Variants in MCCC1 observed in about 807,000 individuals in gnomAD.
MCCC1 encodes methylcrotonyl-CoA carboxylase subunit 1.
In MCCC1, 64 loss-of-function variants were observed where a neutral mutation model predicts 83.8. The observed-to-expected ratio is 0.76, with a 90% CI of 0.62 to 0.94. The LOEUF (loss-of-function observed/expected upper bound fraction) is 0.94. MCCC1 is among the 40% of genes least tolerant of loss of function. The probability of loss-of-function intolerance (pLI) is 0.00; values close to 1 mark genes in which losing one functional copy is unlikely to be tolerated. For synonymous variants in MCCC1, 322 were observed against 315.4 expected (o/e 1.02, Z -0.22); for missense variants, 807 against 904.7 (o/e 0.89, Z 1.39).
intron 4 of MCCC1, among the ~76,000 whole-genome samples, chr3:183,080,137 G>T (rs182973142): frequency 6.6e-6 from 1 of 152,152 alleles, no homozygotes; most frequent in Non-Finnish European, 1.5e-5. Context: ...GGGGATTAAC[G>T]TTGGGCTCCT....
At chr3:183,055,334 C>A (rs930122287) in intron 8 of MCCC1, among the ~76,000 whole-genome samples, 1 of 152,046 alleles carries the variant, frequency 6.6e-6, no homozygotes, top group African/African-American at 2.4e-5. Flanking sequence ...TGCTTAAACC[C>A]GCGAGGCGGA....
At chr3:183,032,561 C>T (rs528154219) in intron 14 of MCCC1, among the ~76,000 whole-genome samples, 9 of 152,234 alleles carry the variant, frequency 5.9e-5, no homozygotes, top group Admixed American at 1.3e-4. Flanking sequence ...AGCTGTAACC[C>T]AATAAACTTG....
chr3:183,074,063 G>A lies in MCCC1; in HGVS notation c.370-1576C>T, dbSNP rs554229278. 5.6e-4 allele frequency among the ~76,000 whole-genome samples: 85 copies of A among 152,290 alleles called. 1 individual carries two copies. Among genetic ancestry groups the A allele is most frequent in the Admixed American group, 3.8e-3 (58 of 15,296 alleles). ...ATCTCACTGTGTGACTCAGAATGGC[G>A]TGCAATTTGAAACTTATCAATTGTT... On this transcript the variant is annotated intron_variant, in intron 4 of 18. Transcript: ENST00000265594.
chr3:183,015,373 G>A lies in MCCC1; in HGVS notation c.*65C>T. ...CTTTATGAGACCCCCAGAAAAGCTG[G>A]AGGCACTTCCTCTTTTTGGTGGAGA... On this transcript the variant is annotated 3_prime_UTR_variant, in exon 19 of 19. Coordinates refer to ENST00000265594, the MANE Select transcript of MCCC1 (RefSeq NM_020166.5). 2 of 1,583,766 alleles carry A rather than the reference G, an allele frequency of 1.3e-6. No homozygotes were observed. Among genetic ancestry groups the A allele is most frequent in the Non-Finnish European group, 1.7e-6 (2 of 1,152,744 alleles).
At chr3:183,061,386 T>G (rs570357109) in intron 7 of MCCC1, among the ~76,000 whole-genome samples, 6 of 152,312 alleles carry the variant, frequency 3.9e-5, no homozygotes, top group Non-Finnish European at 8.8e-5. Context: ...TTAGGGAGAA[T>G]AGAATGCTCT....
intron 17 of MCCC1, among the ~76,000 whole-genome samples, chr3:183,017,964 A>G (rs895579914): frequency 2.6e-5 from 4 of 151,226 alleles, no homozygotes; most frequent in Non-Finnish European, 4.4e-5. Context: ...TGGTCAAATC[A>G]GAGGCCTACA....
intron 1 of MCCC1, among the ~76,000 whole-genome samples, chr3:183,106,283 A>G (rs111799592): frequency 1.1e-4 from 16 of 152,234 alleles, no homozygotes; most frequent in Admixed American, 2.6e-4. Context: ...TTCCTTTAAA[A>G]AGCTTACTCC....
chr3:183,110,733 T>C (rs1240909692), intron 1 of MCCC1, among the ~76,000 whole-genome samples: 1 of 152,162 alleles, frequency 6.6e-6, no homozygotes, highest in Non-Finnish European at 1.5e-5. Flanking sequence ...TTCAGAATGG[T>C]ATTTTCTAGG....
In MCCC1 at chr3:183,111,067, A is replaced by G. The variant is rs575777994; in HGVS notation, c.-102+4407T>C. ...TGATAAAGATGTTTACATATGTATTATATCATCAGGACTGCTGTTTGCTTG... is the reference window on the plus strand; with the variant it reads ...TGATAAAGATGTTTACATATGTATTGTATCATCAGGACTGCTGTTTGCTTG... On this transcript the variant is annotated intron_variant, in intron 1 of 17. Transcript: ENST00000492597. Among the ~76,000 whole-genome samples the G allele has an allele frequency of 5.9e-5, 9 of 152,320 alleles. No homozygotes were observed. The South Asian group carries it at 1.9e-3, about 32-fold the overall frequency.
chr3:183,093,832 C>T (rs1020891333), intron 2 of MCCC1, among the ~76,000 whole-genome samples: 6 of 151,998 alleles, frequency 3.9e-5, no homozygotes, highest in African/African-American at 1.5e-4. Flanking sequence ...TACTTTATTA[C>T]ACTTTTATAT....
chr3:183,034,014 A>T lies in MCCC1; in HGVS notation c.1658T>A (p.Met553Lys), dbSNP rs774055789. ...RRLNISYTRN[M>K]TLKDGKNNVA... ...ACTGTTTTTACCATCTTTAAGAGTC[A>T]TGTTTCTGGTATACGAGATATTCAG... is the stretch of plus-strand genomic sequence containing the variant. Residue 553 changes from methionine to lysine, a missense_variant, in exon 14 of 19, where the codon ATG (methionine) becomes AAG (lysine). By Grantham distance (95) the Met-to-Lys change is moderately conservative. Transcript: ENST00000265594. 3.1e-6 allele frequency: 5 copies of T among 1,609,996 alleles called. No homozygotes were observed. The Admixed American group carries it at 8.3e-5, about 27-fold the overall frequency.
chr3:183,079,055 T>A (rs1447559195), intron 4 of MCCC1, among the ~76,000 whole-genome samples: 1 of 152,182 alleles, frequency 6.6e-6, no homozygotes, highest in Non-Finnish European at 1.5e-5. Context: ...CCTCCCACGA[T>A]ACATGAGAAT....
intron 7 of MCCC1, among the ~76,000 whole-genome samples, chr3:183,059,699 C>A (rs1345924197): frequency 6.6e-6 from 1 of 152,164 alleles, no homozygotes; most frequent in Admixed American, 6.5e-5. Context: ...CTACTGGTGA[C>A]AAAGTCTCTT....
At chr3:183,085,998 C>G (rs1320260863) in intron 4 of MCCC1, among the ~76,000 whole-genome samples, 1 of 152,240 alleles carries the variant, frequency 6.6e-6, no homozygotes, top group African/African-American at 2.4e-5. Flanking sequence ...GTCCCTCCCC[C>G]AGTCTCTCCT....
At chr3:183,084,758 CA>C (rs1717768575) in intron 4 of MCCC1, among the ~76,000 whole-genome samples, 1 of 151,822 alleles carries the variant, frequency 6.6e-6, no homozygotes, top group African/African-American at 2.4e-5. Flanking sequence ...TCCATCTCTA[CA>C]AAAATTTAAA....
At chr3:183,047,326 G>A (rs1714631458) in intron 9 of MCCC1, among the ~76,000 whole-genome samples, 1 of 152,090 alleles carries the variant, frequency 6.6e-6, no homozygotes, top group Admixed American at 6.5e-5. Context: ...GGCTCAGCAA[G>A]ACTGAGATCT....
chr3:183,108,201 G>A, intron 1 of MCCC1, among the ~76,000 whole-genome samples: 1 of 152,342 alleles, frequency 6.6e-6, no homozygotes, highest in Non-Finnish European at 1.5e-5. Flanking sequence ...ACACATGGCT[G>A]TGGGTTGTTG....
Position 183,045,221 on chromosome 3 carries a change from A to G in MCCC1, c.1083+192T>C, listed in dbSNP as rs138561850. Among the ~76,000 whole-genome samples, 654 of 151,918 alleles carry G rather than the reference A, an allele frequency of 4.3e-3. 3 individuals are homozygous for G. Among genetic ancestry groups the G allele is most frequent in the African/African-American group, 0.015 (626 of 41,426 alleles). ...CAGCCTCCTGAGTACCGGGGACTAC[A>G]GGCACCCGGCACCACGCCCGGCTAA... On this transcript the variant is annotated intron_variant, in intron 10 of 18. Coordinates refer to ENST00000265594, the MANE Select transcript of MCCC1 (RefSeq NM_020166.5).
In MCCC1 at chr3:183,092,342, A is replaced by C; in HGVS notation, c.273+67T>G. On this transcript the variant is annotated intron_variant, in intron 3 of 18. Coordinates refer to ENST00000265594, the MANE Select transcript of MCCC1 (RefSeq NM_020166.5). ...CTAGCAAATATCAACTGTCATCATA[A>C]AGAACGAAAATACTGACACAGTAAA... The C allele has an allele frequency of 1.9e-6, 3 of 1,604,946 alleles. No homozygotes were observed. The South Asian group carries it at 3.3e-5, about 18-fold the overall frequency.
Sources: gnomAD v4.1 joint callset for allele counts (sites outside exome capture counted in the v4.1 genomes callset) on GRCh38, gnomAD v4.1.1 for gene constraint, MANE v1.5 for transcripts, NCBI Gene and HGNC (gene_info 2026-07-23, HGNC 2026-07-21) for gene names.